TTC7A: variants seen among roughly 807,000 people sequenced by gnomAD.
TTC7A encodes the protein tetratricopeptide repeat protein 7A.
A neutral mutation model predicts 103.7 loss-of-function variants in TTC7A; 110 were observed. The ratio of observed to expected loss-of-function variants is 1.06; its 90% CI spans 0.91 to 1.24. The LOEUF (loss-of-function observed/expected upper bound fraction) is 1.24, where lower values mean the gene tolerates loss of function less well. Among genes scored for constraint, TTC7A ranks in the 50% most tolerant of loss-of-function variants. TTC7A has a pLI of 0.00. For synonymous variants in TTC7A, 521 were observed against 467.9 expected, an observed-to-expected ratio of 1.11 and a Z score of -1.47; for missense variants, 1,340 against 1,116.3, an observed-to-expected ratio of 1.20 and a Z score of -2.86.
intron 2 of TTC7A, among the ~76,000 whole-genome samples, chr2:46,928,223 T>G (rs561944234): frequency 1.3e-5 from 2 of 152,036 alleles, no homozygotes; most frequent in African/African-American, 4.8e-5. Context: ...GCATAACAAA[T>G]TACTACCAGT....
At position 47,049,993 on chromosome 2, in the gene TTC7A, A is replaced by G; in HGVS notation, c.1964A>G (p.Lys655Arg). The G allele has an allele frequency of 6.2e-7, 1 of 1,614,192 alleles. No homozygotes were observed. The highest frequency in any genetic ancestry group is 1.1e-5 in the South Asian group (1 of 91,084). Residue 655 changes from lysine to arginine, a missense_variant, in exon 17 of 20, where the codon AAG (lysine) becomes AGG (arginine). Lys to Arg is a conservative substitution (Grantham distance 26). Coordinates refer to ENST00000319190, the MANE Select transcript of TTC7A (RefSeq NM_020458.4). Reference protein sequence around the residue: ...DGSFGEGLTMKKQSGMHLTLP... With the variant: ...DGSFGEGLTMRKQSGMHLTLP... ...AGCTTCGGTGAGGGCCTCACCATGA[A>G]GAAGCAGAGTGGCATGCACCTGACT... is the stretch of plus-strand genomic sequence containing the variant.
At chr2:47,006,614 T>C in intron 9 of TTC7A, 27 bp from the exon 10 acceptor site, 1 of 1,602,690 alleles carries the variant, frequency 6.2e-7, no homozygotes, top group Non-Finnish European at 8.5e-7. Context: ...CCCTGGTGGG[T>C]AAATGCTGAC....
At chr2:47,057,011 C>T (rs1683378931) in intron 18 of TTC7A, among the ~76,000 whole-genome samples, 1 of 152,232 alleles carries the variant, frequency 6.6e-6, no homozygotes, top group African/African-American at 2.4e-5. Context: ...GATGTGGGCA[C>T]CACTGGGTCC....
intron 15 of TTC7A, chr2:47,045,730 A>G (rs188384349): frequency 6.6e-6 from 1 of 152,504 alleles, no homozygotes; most frequent in African/African-American, 2.4e-5. Flanking sequence ...CAGGAAGCAA[A>G]CTTTGCAGTT....
In TTC7A at chr2:47,059,826, C is replaced by G. The variant is rs1002918199; in HGVS notation, c.2153-943C>G. 2.0e-5 allele frequency among the ~76,000 whole-genome samples: 3 copies of G among 152,200 alleles called. No homozygotes were observed. In the South Asian group the frequency reaches 6.2e-4, roughly 32 times the overall value. On this transcript the variant is annotated intron_variant, in intron 18 of 19. Coordinates refer to ENST00000319190, the MANE Select transcript of TTC7A (RefSeq NM_020458.4). ...TGGCCTTAGTCCCATGCCTTGACCC[C>G]TCTGTGCCCAGTTTTTGCCCCTCTA...
chr2:46,916,808 T>C (rs1348286226), intron 1 of TTC7A, among the ~76,000 whole-genome samples: 1 of 151,888 alleles, frequency 6.6e-6, no homozygotes, highest in Non-Finnish European at 1.5e-5. Flanking sequence ...CTAATTTTTG[T>C]ATTTTTAGTA....
At chr2:46,943,574 G>A (rs1348157041) in intron 1 of TTC7A, among the ~76,000 whole-genome samples, 2 of 152,038 alleles carry the variant, frequency 1.3e-5, no homozygotes, top group African/African-American at 2.4e-5. Context: ...ACACAAACAC[G>A]AGGAACAAAA....
chr2:47,060,369 C>T (rs1683665900), intron 18 of TTC7A, among the ~76,000 whole-genome samples: 1 of 151,744 alleles, frequency 6.6e-6, no homozygotes, highest in African/African-American at 2.4e-5. Flanking sequence ...AACTCTTTTT[C>T]TAAATAAATA....
At chr2:46,994,553 C>T (rs766907038) in intron 7 of TTC7A, 39 bp downstream of exon 7, 4 of 1,604,660 alleles carry the variant, frequency 2.5e-6, no homozygotes, top group Admixed American at 3.4e-5. Context: ...GCCAGTCTCA[C>T]ATCTCACGCA....
intron 3 of TTC7A, chr2:46,974,643 A>G (rs1294954878): frequency 3.0e-5 from 14 of 466,638 alleles, no homozygotes; most frequent in Admixed American, 1.2e-4. Context: ...AGGAAAGAAA[A>G]AAATAAATTT....
chr2:46,931,738 CCT>C (rs1463326897), intron 2 of TTC7A, among the ~76,000 whole-genome samples: 1 of 139,408 alleles, frequency 7.2e-6, no homozygotes, highest in Admixed American at 7.0e-5. Flanking sequence ...TTGATAAATC[CCT>C]GTCAAATCAT....
intron 11 of TTC7A, among the ~76,000 whole-genome samples, chr2:47,017,276 A>G (rs1678771609): frequency 6.7e-6 from 1 of 149,748 alleles, no homozygotes. Context: ...ACATTTTGGG[A>G]GGCTAAGTGG....
At chr2:47,047,397 G>C in intron 16 of TTC7A, 2 of 1,129,326 alleles carry the variant, frequency 1.8e-6, no homozygotes, top group Non-Finnish European at 2.6e-6. Flanking sequence ...AGGCCTGGGA[G>C]ACCAGGGCAG....
rs1677338783 is a variant in TTC7A at position 47,006,033 on chromosome 2, A to T, written c.1177A>T (p.Arg393Trp). The T allele has an allele frequency of 6.2e-7, 1 of 1,613,578 alleles. No homozygotes were observed. The highest frequency in any genetic ancestry group is 1.3e-5 in the African/African-American group (1 of 74,746). Residue 393 changes from arginine (R) to tryptophan (W), a missense_variant, in exon 9 of 20, where the codon AGG becomes TGG. Coordinates refer to ENST00000319190, the MANE Select transcript of TTC7A (RefSeq NM_020458.4). ...CCTCCTGAGCATCACGTTGGGCAGA[A>T]GGGGACAGTACGTCATGCTCTCGGA... Reference protein sequence around the residue: ...YDLLSITLGRRGQYVMLSECL... With the variant: ...YDLLSITLGRWGQYVMLSECL...
At chr2:46,997,222 A>T (rs1572856366) in intron 8 of TTC7A, among the ~76,000 whole-genome samples, 1 of 151,986 alleles carries the variant, frequency 6.6e-6, no homozygotes, top group Admixed American at 6.6e-5. Flanking sequence ...CAGGTGATCC[A>T]CCTGCCTCAG....
chr2:47,029,591 G>A (rs1260567627), intron 15 of TTC7A, among the ~76,000 whole-genome samples: 1 of 152,220 alleles, frequency 6.6e-6, no homozygotes, highest in Non-Finnish European at 1.5e-5. Flanking sequence ...TGCCTGGTGG[G>A]TAATGGGGTG....
At position 47,046,326 on chromosome 2, in the gene TTC7A, C is replaced by A; in HGVS notation, c.1814C>A (p.Thr605Asn). Reference sequence around the variant, plus strand: ...CTCCGTCCCCACAGCCTGATGTTCACCAAGGTGAAGCTGGAGCAGGTGCTG... The same window carrying A: ...CTCCGTCCCCACAGCCTGATGTTCAACAAGGTGAAGCTGGAGCAGGTGCTG... ...EHPENFNLMF[T>N]KVKLEQVLKG... Residue 605 changes from threonine (T) to asparagine (N), a missense_variant, in exon 16 of 20, where the codon ACC becomes AAC. Coordinates refer to ENST00000319190, the MANE Select transcript of TTC7A (RefSeq NM_020458.4). 6.2e-7 allele frequency: 1 copy of A among 1,613,980 alleles called. No homozygotes were observed. The highest frequency in any genetic ancestry group is 8.5e-7 in the Non-Finnish European group (1 of 1,179,956).
chr2:46,973,077 G>A (rs1673513877), intron 3 of TTC7A, among the ~76,000 whole-genome samples: 2 of 112,440 alleles, frequency 1.8e-5, no homozygotes, highest in Non-Finnish European at 4.2e-5. Context: ...ACAACTGTAT[G>A]CTTTTCAATT....
chr2:46,972,886 G>A (rs735888), intron 3 of TTC7A, among the ~76,000 whole-genome samples: 91,433 of 152,090 alleles, frequency 0.6, 28,233 homozygotes, highest in East Asian at 0.73. Context: ...AGAGCTGGCC[G>A]GAGATGACCA....
Sources: allele counts gnomAD v4.1 joint callset (sites outside exome capture counted in the v4.1 genomes callset), GRCh38; gene constraint gnomAD v4.1.1; transcripts MANE v1.5; gene names NCBI Gene and HGNC (gene_info 2026-07-23, HGNC 2026-07-21).